The following MARCHF1 variants were observed in gnomAD, a reference collection of about 807,000 sequenced individuals.
MARCHF1 encodes the protein membrane associated ring-CH-type finger 1, also known as E3 ubiquitin-protein ligase MARCHF1.
Under a neutral mutation model 54.2 loss-of-function variants are expected in MARCHF1, and 40 were observed. That is an observed-to-expected ratio of 0.74 (90% CI 0.57 to 0.96). The LOEUF is 0.96. Among genes scored for constraint, MARCHF1 ranks in the 40% least tolerant of loss-of-function variants. MARCHF1 has a pLI of 0.00. For missense variants in MARCHF1, 586 were observed against 656.5 expected (o/e 0.89, Z 1.17); for synonymous variants, 236 against 236.3 (o/e 1.00, Z 0.01).
At chr4:163,838,528 G>A (rs1579328519) in intron 4 of MARCHF1, among the ~76,000 whole-genome samples, 1 of 152,110 alleles carries the variant, frequency 6.6e-6, no homozygotes, top group Admixed American at 6.5e-5. Flanking sequence ...AACGATCTAA[G>A]TACATTTATC....
At chr4:163,623,554 G>A (rs1741761112) in intron 5 of MARCHF1, among the ~76,000 whole-genome samples, 1 of 152,066 alleles carries the variant, frequency 6.6e-6, no homozygotes, top group Non-Finnish European at 1.5e-5. Flanking sequence ...ACACCTCTAG[G>A]GACAACTCTC....
At chr4:163,704,012 C>T (rs1744880161) in intron 4 of MARCHF1, among the ~76,000 whole-genome samples, 1 of 151,818 alleles carries the variant, frequency 6.6e-6, no homozygotes, top group South Asian at 2.1e-4. Flanking sequence ...CCTAACAATA[C>T]ACAACATGAC....
chr4:163,943,492 G>GT, intron 3 of MARCHF1, among the ~76,000 whole-genome samples: 1 of 152,252 alleles, frequency 6.6e-6, no homozygotes, highest in East Asian at 1.9e-4. Context: ...TCAGATGGAT[G>GT]TAAGTGTGCA....
At chr4:163,977,100 T>C (rs1752663724) in intron 3 of MARCHF1, among the ~76,000 whole-genome samples, 1 of 151,746 alleles carries the variant, frequency 6.6e-6, no homozygotes, top group South Asian at 2.1e-4. Context: ...ACATACATCA[T>C]GTGTTCAATA....
intron 5 of MARCHF1, among the ~76,000 whole-genome samples, chr4:163,693,552 T>C (rs574619210): frequency 1.3e-5 from 2 of 151,418 alleles, no homozygotes; most frequent in South Asian, 4.2e-4. Flanking sequence ...AAAAATGCAA[T>C]GTGGGCTCTC....
At chr4:163,828,813 A>G (rs1014854976) in intron 4 of MARCHF1, 3 of 152,234 alleles carry the variant, frequency 2.0e-5, no homozygotes, top group African/African-American at 4.8e-5. Context: ...AGCAAGTTCA[A>G]TGGGCTCTAG....
chr4:163,724,206 T>A (rs1745576107), intron 4 of MARCHF1, among the ~76,000 whole-genome samples: 1 of 152,242 alleles, frequency 6.6e-6, no homozygotes, highest in South Asian at 2.1e-4. Context: ...GGTTTTGGTG[T>A]GGATGTCCTT....
intron 1 of MARCHF1, among the ~76,000 whole-genome samples, chr4:164,121,602 T>C (rs928415322): frequency 6.6e-6 from 1 of 152,042 alleles, no homozygotes; most frequent in Non-Finnish European, 1.5e-5. Context: ...TCCCATGACA[T>C]GTGAGGATTA....
At chr4:164,269,520 A>G (rs1339152113) in intron 1 of MARCHF1, among the ~76,000 whole-genome samples, 1 of 152,204 alleles carries the variant, frequency 6.6e-6, no homozygotes, top group African/African-American at 2.4e-5. Context: ...GATTCATCAT[A>G]GCACAAATAT....
At chr4:163,824,147 C>A (rs1237689967) in intron 4 of MARCHF1, among the ~76,000 whole-genome samples, 1 of 151,820 alleles carries the variant, frequency 6.6e-6, no homozygotes, top group Non-Finnish European at 1.5e-5. Flanking sequence ...TTTGATAATT[C>A]CAATATACAC....
intron 4 of MARCHF1, among the ~76,000 whole-genome samples, chr4:163,802,772 AC>A (rs1748117340): frequency 6.6e-6 from 1 of 152,204 alleles, no homozygotes; most frequent in South Asian, 2.1e-4. Flanking sequence ...AAGATAGATA[AC>A]AAAATGTTGT....
chr4:164,049,467 G>A (rs1754311364), intron 2 of MARCHF1, among the ~76,000 whole-genome samples: 1 of 151,704 alleles, frequency 6.6e-6, no homozygotes, highest in South Asian at 2.1e-4. Flanking sequence ...AATGATACTT[G>A]AGATCAGAGA....
At chr4:163,821,186 T>G (rs2111053465) in intron 4 of MARCHF1, among the ~76,000 whole-genome samples, 1 of 152,042 alleles carries the variant, frequency 6.6e-6, no homozygotes, top group East Asian at 1.9e-4. Context: ...CTTCCCTCCC[T>G]CCATTGCTCA....
intron 4 of MARCHF1, among the ~76,000 whole-genome samples, chr4:163,851,420 T>G (rs1174671879): frequency 1.3e-5 from 2 of 152,206 alleles, no homozygotes; most frequent in African/African-American, 4.8e-5. Flanking sequence ...GGATTCCCTT[T>G]TCCTATGCTT....
intron 1 of MARCHF1, among the ~76,000 whole-genome samples, chr4:164,116,211 TATC>T (rs1200956868): frequency 5.3e-5 from 8 of 152,132 alleles, no homozygotes; most frequent in African/African-American, 7.2e-5. Flanking sequence ...AATAGTAACA[TATC>T]ATCATAATAA....
intron 1 of MARCHF1, among the ~76,000 whole-genome samples, chr4:164,250,502 T>C (rs1428835187): frequency 6.6e-6 from 1 of 152,072 alleles, no homozygotes; most frequent in Non-Finnish European, 1.5e-5. Flanking sequence ...GTGATATAAC[T>C]AGGGGAAAAT....
rs58606745 is a variant in MARCHF1, at chr4:163,691,057, T to C, written c.162+9756A>G. ...TATAAGTATATAAGGCAAAGCGTCATTTTATGGCTGTGGATTCAAAAAATA... is the reference window on the plus strand; with the variant it reads ...TATAAGTATATAAGGCAAAGCGTCACTTTATGGCTGTGGATTCAAAAAATA... On this transcript the variant is annotated intron_variant, in intron 5 of 9. Transcript: ENST00000514618. 2.0e-4 allele frequency among the ~76,000 whole-genome samples: 31 copies of C among 152,302 alleles called. 1 individual carries two copies. In the East Asian group the frequency reaches 5.4e-3, roughly 27 times the overall value.
intron 1 of MARCHF1, among the ~76,000 whole-genome samples, chr4:164,120,080 CATAA>C (rs1177365366): frequency 6.9e-6 from 1 of 145,410 alleles, no homozygotes; most frequent in Non-Finnish European, 1.5e-5. Context: ...TATAAAAAAT[CATAA>C]ATAAAATATT....
At chr4:163,911,324 C>T (rs1399029675) in intron 3 of MARCHF1, among the ~76,000 whole-genome samples, 1 of 152,120 alleles carries the variant, frequency 6.6e-6, no homozygotes, top group African/African-American at 2.4e-5. Context: ...TTGGAACACA[C>T]GAAGCACACT....
Sources: gnomAD v4.1 joint callset for allele counts (sites outside exome capture counted in the v4.1 genomes callset) on GRCh38, gnomAD v4.1.1 for gene constraint, MANE v1.5 for transcripts, NCBI Gene and HGNC (gene_info 2026-07-23, HGNC 2026-07-21) for gene names.